TMCC3: variants seen among roughly 807,000 people sequenced by gnomAD.
The protein encoded by TMCC3 is transmembrane and coiled-coil domain protein 3.
In TMCC3, 28 loss-of-function variants were observed where a neutral mutation model predicts 40.2. The observed-to-expected ratio is 0.70, with a 90% confidence interval of 0.52 to 0.95. The LOEUF (loss-of-function observed/expected upper bound fraction) is 0.95. Ranked by LOEUF, TMCC3 falls within the 40% of genes least tolerant of loss-of-function variation. The pLI, the probability that TMCC3 is intolerant of heterozygous loss-of-function variation, is 0.00. For synonymous variants in TMCC3, 255 were observed against 248.5 expected (o/e 1.03, Z -0.25); for missense variants, 554 against 615.2 (o/e 0.90, Z 1.05).
At chr12:94,592,856 T>G (rs1182182462) in intron 1 of TMCC3, among the ~76,000 whole-genome samples, 3 of 151,722 alleles carry the variant, frequency 2.0e-5, no homozygotes, top group Non-Finnish European at 4.4e-5. Context: ...AAACAAATTC[T>G]TCAAGCATCC....
At chr12:94,577,874 C>T (rs1409867917) in intron 3 of TMCC3, among the ~76,000 whole-genome samples, 5 of 151,834 alleles carry the variant, frequency 3.3e-5, no homozygotes, top group South Asian at 4.2e-4. Flanking sequence ...TAGCCAGGCA[C>T]GGTGGCTCAC....
In TMCC3 at chr12:94,593,391, A is replaced by AAGAAAGG. The variant is rs1555282847; in HGVS notation, c.79-10854_79-10853insCCTTTCT. Among the ~76,000 whole-genome samples, 11 of 62,774 alleles carry AAGAAAGG rather than the reference A, an allele frequency of 1.8e-4. 3 individuals carry two copies. Among genetic ancestry groups the AAGAAAGG allele is most frequent in the South Asian group, 1.0e-3 (2 of 1,906 alleles). 41.2% of individuals were successfully genotyped at this position (62,774 alleles called of 152,430 possible). ...AAAAAAAGAAAAGAAAAGAAAGAAG[A>AAGAAAGG]AAGAAGAAAGAAGAAGAAGGAAGAA... On this transcript the variant is annotated intron_variant, in intron 1 of 3. Transcript: ENST00000261226.
intron 1 of TMCC3, among the ~76,000 whole-genome samples, chr12:94,644,899 T>C (rs776132118): frequency 2.8e-4 from 42 of 152,242 alleles, no homozygotes; most frequent in Non-Finnish European, 4.4e-4. Context: ...TAATTGTAGA[T>C]GGATTTCCAA....
intron 2 of TMCC3, 27 bp from the exon 3 acceptor site, chr12:94,578,556 G>A (rs1425457753): frequency 2.5e-6 from 4 of 1,604,038 alleles, no homozygotes; most frequent in African/African-American, 2.7e-5. Flanking sequence ...CCGATTCCCA[G>A]TGTGACCTTT....
At chr12:94,582,955 G>A (rs1252927866) in intron 1 of TMCC3, among the ~76,000 whole-genome samples, 2 of 136,918 alleles carry the variant, frequency 1.5e-5, no homozygotes, top group African/African-American at 2.6e-5. Context: ...TCACTTAATA[G>A]AAGGAGAATC....
intron 1 of TMCC3, among the ~76,000 whole-genome samples, chr12:94,589,630 G>A (rs1298654197): frequency 6.6e-6 from 1 of 150,822 alleles, no homozygotes; most frequent in East Asian, 1.9e-4. Flanking sequence ...AAATTGCCTG[G>A]GGGCACACAG....
intron 1 of TMCC3, among the ~76,000 whole-genome samples, chr12:94,648,763 A>G (rs892481389): frequency 1.3e-5 from 2 of 152,232 alleles, no homozygotes; most frequent in Non-Finnish European, 2.9e-5. Context: ...AACCACTTAA[A>G]TGAGTTGACA....
intron 1 of TMCC3, among the ~76,000 whole-genome samples, chr12:94,596,789 C>T (rs1046797509): frequency 6.6e-6 from 1 of 151,728 alleles, no homozygotes. Context: ...CAAGTGGCTG[C>T]CCTAGTTGTT....
chr12:94,582,200 C>A lies in TMCC3; in HGVS notation c.417G>T (p.Lys139Asn). 6.2e-7 allele frequency: 1 copy of A among 1,614,168 alleles called. No individual in the cohort carries two copies. The highest frequency in any genetic ancestry group is 8.5e-7 in the Non-Finnish European group (1 of 1,180,034). ...CTCCATTCTGCTCGATCTCTCTGAG[C>A]TTTCGATGATACTGCTCTAACTTCT... The part of the protein sequence containing the change: ...LQKKLEQYHR[K>N]LREIEQNGAS... The change falls in exon 2 of 4, where the codon AAG (lysine) becomes AAT (asparagine). Residue 139 changes from lysine (K) to asparagine (N), a missense_variant. Coordinates refer to ENST00000261226, the MANE Select transcript of TMCC3 (RefSeq NM_020698.4).
intron 1 of TMCC3, among the ~76,000 whole-genome samples, chr12:94,600,372 T>C (rs935364102): frequency 4.0e-5 from 6 of 151,420 alleles, no homozygotes; most frequent in African/African-American, 7.3e-5. Flanking sequence ...ACAGTTTAAC[T>C]GGGTTTCCTT....
chr12:94,595,890 A>C (rs76341188), intron 1 of TMCC3, among the ~76,000 whole-genome samples: 2,018 of 152,276 alleles, frequency 0.013, 36 homozygotes, highest in African/African-American at 0.046. Context: ...TGAAAAGTAC[A>C]TTCAATCGAT....
intron 1 of TMCC3, among the ~76,000 whole-genome samples, chr12:94,592,967 C>T (rs9668866): frequency 0.63 from 96,311 of 151,788 alleles, 30,639 homozygotes; most frequent in Admixed American, 0.66. Context: ...GAGGCTGAGG[C>T]GGGCAGATCA....
At chr12:94,642,665 G>A (rs555848692) in intron 1 of TMCC3, among the ~76,000 whole-genome samples, 4 of 152,274 alleles carry the variant, frequency 2.6e-5, no homozygotes, top group African/African-American at 9.6e-5. Flanking sequence ...TCACACCCAC[G>A]GTCTCTGCTC....
intron 1 of TMCC3, among the ~76,000 whole-genome samples, chr12:94,599,695 C>T (rs942116303): frequency 1.3e-5 from 2 of 152,046 alleles, no homozygotes; most frequent in Non-Finnish European, 2.9e-5. Context: ...GCTCTTAATG[C>T]TTTTATAATT....
intron 1 of TMCC3, among the ~76,000 whole-genome samples, chr12:94,598,381 A>G (rs1295698855): frequency 2.1e-4 from 1 of 4,820 alleles, no homozygotes; most frequent in Non-Finnish European, 3.1e-4. Flanking sequence ...CTACCATTAA[A>G]TATGCAAATG....
intron 1 of TMCC3, among the ~76,000 whole-genome samples, chr12:94,647,789 T>G (rs1005487360): frequency 6.6e-6 from 1 of 152,218 alleles, no homozygotes; most frequent in African/African-American, 2.4e-5. Context: ...GGATGAATAC[T>G]TTCTGCACAG....
At chr12:94,580,909 A>C (rs923163533) in intron 2 of TMCC3, among the ~76,000 whole-genome samples, 3 of 152,212 alleles carry the variant, frequency 2.0e-5, no homozygotes, top group Admixed American at 2.0e-4. Context: ...AAGTCTACTG[A>C]ATCAGCATCT....
intron 1 of TMCC3, among the ~76,000 whole-genome samples, chr12:94,637,139 C>G (rs1351246555): frequency 6.6e-6 from 1 of 151,906 alleles, no homozygotes; most frequent in African/African-American, 2.4e-5. Flanking sequence ...TGTAAAAGAC[C>G]AACAGCCAAT....
intron 1 of TMCC3, among the ~76,000 whole-genome samples, chr12:94,632,917 G>A (rs141975479): frequency 0.061 from 9,339 of 152,222 alleles, 313 homozygotes; most frequent in South Asian, 0.15. Flanking sequence ...GACCAGCCTG[G>A]CCAACAGGGT....
Sources: allele counts gnomAD v4.1 joint callset (sites outside exome capture counted in the v4.1 genomes callset), GRCh38; gene constraint gnomAD v4.1.1; transcripts MANE v1.5; gene names NCBI Gene and HGNC (gene_info 2026-07-23, HGNC 2026-07-21).